GPR26: variants seen among roughly 807,000 people sequenced by gnomAD.
The protein encoded by GPR26 is G protein-coupled receptor 26.
In GPR26, 15 loss-of-function variants were observed where a neutral mutation model predicts 23.1. The observed-to-expected ratio is 0.65, with a 90% CI of 0.43 to 1.00. The LOEUF (loss-of-function observed/expected upper bound fraction) is 1.00. Among genes scored for constraint, GPR26 ranks in the 50% least tolerant of loss-of-function variants. The pLI is 0.00. For missense variants in GPR26, 359 were observed against 470.5 expected, an observed-to-expected ratio of 0.76 and a Z score of 2.19; for synonymous variants, 228 against 222.1, an observed-to-expected ratio of 1.03 and a Z score of -0.24.
chr10:123,674,909 T>C lies in GPR26; in HGVS notation c.760T>C (p.Phe254Leu), dbSNP rs1342846528. ...CTTCATAGGGACCTTCCTTGTGTGC[T>C]TCGCGCCCTATGTGATCACCAGGTG... ...STFIGTFLVCFAPYVITRLVE... is the reference protein window; with the variant it reads ...STFIGTFLVCLAPYVITRLVE... Residue 254 changes from phenylalanine to leucine, a missense_variant, in exon 2 of 3, where the codon TTC becomes CTC. Coordinates refer to ENST00000284674, the MANE Select transcript of GPR26 (RefSeq NM_153442.4). The surrounding 1 kb of genome is among the most constrained non-coding windows in gnomAD (Gnocchi z 4.1). The C allele has an allele frequency of 1.2e-6, 2 of 1,611,678 alleles. No homozygotes were observed. The highest frequency in any genetic ancestry group is 1.1e-5 in the South Asian group (1 of 90,888).
At chr10:123,677,828 C>T (rs1219813) in intron 2 of GPR26, among the ~76,000 whole-genome samples, 35,564 of 152,136 alleles carry the variant, frequency 0.23, 4,911 homozygotes, top group East Asian at 0.66. Flanking sequence ...CTGTCCAGCA[C>T]GGGGGCCACC....
At chr10:123,669,719 G>A (rs901190004) in intron 1 of GPR26, among the ~76,000 whole-genome samples, 13 of 152,196 alleles carry the variant, frequency 8.5e-5, no homozygotes, top group African/African-American at 3.1e-4. Flanking sequence ...CCTGCAGGAT[G>A]TTTGGCACCA....
chr10:123,675,448 G>C (rs1845293407), intron 2 of GPR26, among the ~76,000 whole-genome samples: 1 of 152,090 alleles, frequency 6.6e-6, no homozygotes, highest in African/African-American at 2.4e-5. Context: ...TGTGGCTCAG[G>C]GGCTCTTCCA....
chr10:123,669,693 G>C (rs1845229004), intron 1 of GPR26, among the ~76,000 whole-genome samples: 1 of 152,164 alleles, frequency 6.6e-6, no homozygotes, highest in South Asian at 2.1e-4. Flanking sequence ...GGAAGCTCCT[G>C]GTGGTGTCTG....
At chr10:123,679,831 G>A (rs954748632) in intron 2 of GPR26, among the ~76,000 whole-genome samples, 2 of 151,964 alleles carry the variant, frequency 1.3e-5, no homozygotes, top group Non-Finnish European at 2.9e-5. Context: ...CCTTCCCCAG[G>A]ATCCTCTACC....
At chr10:123,687,396 G>A (rs185059634) in intron 2 of GPR26, among the ~76,000 whole-genome samples, 8 of 152,304 alleles carry the variant, frequency 5.3e-5, no homozygotes, top group Admixed American at 5.2e-4. Context: ...TCATTGAGAC[G>A]ATATTGTCCC....
At chr10:123,675,798 C>CTG (rs57869785) in intron 2 of GPR26, among the ~76,000 whole-genome samples, 2,454 of 142,678 alleles carry the variant, frequency 0.017, 44 homozygotes, top group Admixed American at 0.021. Flanking sequence ...GCAGGGTTTT[C>CTG]TGTGTGTGTG....
rs565702120 is a variant in GPR26 at position 123,696,579 on chromosome 10, T to C, written c.*8419T>C. Among the ~76,000 whole-genome samples the C allele has an allele frequency of 5.9e-5, 9 of 152,306 alleles. No individual in the cohort carries two copies. In the South Asian group the frequency reaches 1.9e-3, roughly 32 times the overall value. The stretch of plus-strand genomic sequence containing the variant: ...TTATTTGCACACATCAAGAATACTT[T>C]TGGAAACCAGGATTTAGAAAAATAA... On this transcript the variant is annotated 3_prime_UTR_variant, in exon 3 of 3. Coordinates refer to ENST00000284674, the MANE Select transcript of GPR26 (RefSeq NM_153442.4).
In GPR26 at chr10:123,695,919, C is replaced by T. The variant is rs894312492; in HGVS notation, c.*7759C>T. On this transcript the variant is annotated 3_prime_UTR_variant, in exon 3 of 3. Coordinates refer to ENST00000284674, the MANE Select transcript of GPR26 (RefSeq NM_153442.4). ...TGTGCCACCAACCCCATCAGGATTT[C>T]CCCAGGGGAAAATGGCTAACTCTGG... 6.6e-6 allele frequency among the ~76,000 whole-genome samples: 1 copy of T among 152,154 alleles called. No individual in the cohort carries two copies. Among genetic ancestry groups the T allele is most frequent in the Non-Finnish European group, 1.5e-5 (1 of 68,028 alleles).
intron 1 of GPR26, among the ~76,000 whole-genome samples, chr10:123,667,623 C>T (rs898961870): frequency 1.4e-5 from 2 of 143,780 alleles, no homozygotes; most frequent in Admixed American, 7.0e-5. Context: ...ACTCGGGCTG[C>T]GTCCTTCTCT....
At chr10:123,685,450 G>A (rs917201092) in intron 2 of GPR26, among the ~76,000 whole-genome samples, 5 of 152,296 alleles carry the variant, frequency 3.3e-5, no homozygotes, top group East Asian at 3.9e-4. Context: ...GCATGGGGCC[G>A]CGAGAAAGCA....
At chr10:123,684,447 T>G (rs901580343) in intron 2 of GPR26, among the ~76,000 whole-genome samples, 3 of 152,192 alleles carry the variant, frequency 2.0e-5, no homozygotes, top group Admixed American at 6.5e-5. Flanking sequence ...AGGTGGCATC[T>G]TGGTTTGCTA....
rs1845184529 is a variant in GPR26 at position 123,666,513 on chromosome 10, A to C, written c.106A>C (p.Ile36Leu). The C allele has an allele frequency of 6.3e-7, 1 of 1,578,252 alleles. No individual in the cohort carries two copies. Reference sequence around the variant, plus strand: ...GCTCTGCCTGCTGCACAGCGCGGACATCCGCCGCCAGGCGCCGGCGCTCTT... The same window carrying C: ...GCTCTGCCTGCTGCACAGCGCGGACCTCCGCCGCCAGGCGCCGGCGCTCTT... Reference protein sequence around the residue: ...VLLCLLHSADIRRQAPALFTL... With the variant: ...VLLCLLHSADLRRQAPALFTL... The change falls in exon 1 of 3, where the codon ATC (isoleucine) becomes CTC (leucine). Residue 36 changes from isoleucine (I) to leucine (L), a missense_variant. Physicochemically the swap from Ile to Leu is conservative, Grantham distance 5. Coordinates refer to ENST00000284674, the MANE Select transcript of GPR26 (RefSeq NM_153442.4).
chr10:123,672,326 G>A (rs59301973), intron 1 of GPR26, among the ~76,000 whole-genome samples: 16,146 of 152,216 alleles, frequency 0.11, 931 homozygotes, highest in Middle Eastern at 0.19. Flanking sequence ...ATACATGGCT[G>A]TGGAGTCTTT....
rs546737164 is a variant in GPR26, at chr10:123,683,933, C to T, written c.783-3996C>T. 3.3e-5 allele frequency among the ~76,000 whole-genome samples: 5 copies of T among 152,330 alleles called. No individual in the cohort carries two copies. In the South Asian group the frequency reaches 1.0e-3, roughly 32 times the overall value. On this transcript the variant is annotated intron_variant, in intron 2 of 2. Transcript: ENST00000284674. ...GCACTTTGTATCCTCTCCAAACCCA[C>T]ACACCCCAGGCTTCCATAGGGGCTG...
chr10:123,672,424 G>T (rs554269732), intron 1 of GPR26, among the ~76,000 whole-genome samples: 1 of 152,212 alleles, frequency 6.6e-6, no homozygotes, highest in Non-Finnish European at 1.5e-5. Context: ...ACACCCTTTG[G>T]GCTCCATGGC....
At chr10:123,678,769 C>T (rs1036843322) in intron 2 of GPR26, among the ~76,000 whole-genome samples, 11 of 152,154 alleles carry the variant, frequency 7.2e-5, no homozygotes, top group South Asian at 4.1e-4. Flanking sequence ...TGCATGGGTG[C>T]GGCCAGGACC....
chr10:123,685,096 A>G (rs1845417087), intron 2 of GPR26, among the ~76,000 whole-genome samples: 1 of 152,030 alleles, frequency 6.6e-6, no homozygotes, highest in African/African-American at 2.4e-5. Context: ...AACTGACAAC[A>G]CGGAGGAGGA....
chr10:123,689,157 C>A lies in GPR26; in HGVS notation c.*997C>A, dbSNP rs1845463185. ...GTCACTGGGTTCCATTGTCCTGGCA[C>A]CTCCATTTCCTTAGTTTCTGTAAGC... On this transcript the variant is annotated 3_prime_UTR_variant, in exon 3 of 3. Coordinates refer to ENST00000284674, the MANE Select transcript of GPR26 (RefSeq NM_153442.4). 2 of 152,182 alleles carry A rather than the reference C, an allele frequency of 1.3e-5. No homozygotes were observed. The highest frequency in any genetic ancestry group is 4.2e-4 in the South Asian group (2 of 4,818). 9.4% of individuals were successfully genotyped at this position (152,182 alleles called of 1,614,324 possible).
Sources: allele counts gnomAD v4.1 joint callset (sites outside exome capture counted in the v4.1 genomes callset), GRCh38; gene constraint gnomAD v4.1.1; non-coding constraint Gnocchi (gnomAD v3.1); transcripts MANE v1.5; gene names NCBI Gene and HGNC (gene_info 2026-07-23, HGNC 2026-07-21).